Variants in NBAS observed in about 807,000 individuals in gnomAD.
NBAS encodes the protein NBAS subunit of NRZ tethering complex.
Under a neutral mutation model 302.5 loss-of-function variants are expected in NBAS, and 219 were observed. The observed-to-expected ratio is 0.72, with a 90% CI of 0.65 to 0.81. NBAS has a LOEUF of 0.81. Ranked by LOEUF, NBAS falls within the 30% of genes least tolerant of loss-of-function variation. The pLI, the probability that NBAS is intolerant of heterozygous loss-of-function variation, is 0.00. For missense variants in NBAS, 2,932 were observed against 2,841.6 expected (o/e 1.03, Z -0.72); for synonymous variants, 1,118 against 1,021.6 (o/e 1.09, Z -1.80).
chr2:14,877,499 T>C, the NBAS span, among the ~76,000 whole-genome samples: 1 of 152,190 alleles, frequency 6.6e-6, no homozygotes, highest in Non-Finnish European at 1.5e-5. Context: ...AGTGGAGGTA[T>C]ATTCTAAGAC....
intron 11 of NBAS, among the ~76,000 whole-genome samples, chr2:15,492,315 C>T (rs955098080): frequency 3.3e-5 from 5 of 152,196 alleles, no homozygotes; most frequent in Admixed American, 2.6e-4. Context: ...ATCTATTGAA[C>T]GTTCATGCAT....
In NBAS at chr2:15,474,278, G is replaced by A; in HGVS notation, c.1388C>T (p.Ala463Val). Reference protein sequence around the residue: ...APKRSRLETRAGEEDEGEEDS... With the variant: ...APKRSRLETRVGEEDEGEEDS... ...CTCTTCTCCTTCATCTTCTTCTCCA[G>A]CTCTAGTCTCCAAACGAGATCGTTT... The change falls in exon 15 of 52, where the codon GCT (alanine) becomes GTT (valine). Residue 463 changes from alanine (A) to valine (V), a missense_variant. Coordinates refer to ENST00000281513, the MANE Select transcript of NBAS (RefSeq NM_015909.4). 6.2e-7 allele frequency: 1 copy of A among 1,613,768 alleles called. No individual in the cohort carries two copies. The highest frequency in any genetic ancestry group is 8.5e-7 in the Non-Finnish European group (1 of 1,179,772).
the NBAS span, among the ~76,000 whole-genome samples, chr2:15,035,006 T>A: frequency 1.3e-5 from 2 of 152,182 alleles, no homozygotes; most frequent in African/African-American, 4.8e-5. Flanking sequence ...TCCATATCAG[T>A]ATGTATAGAC....
At chr2:15,360,915 G>A (rs1229935535) in intron 32 of NBAS, among the ~76,000 whole-genome samples, 4 of 151,914 alleles carry the variant, frequency 2.6e-5, no homozygotes, top group Non-Finnish European at 5.9e-5. Flanking sequence ...AACAGGAGGC[G>A]CATCTTTGAA....
chr2:14,843,282 A>G, the NBAS span, among the ~76,000 whole-genome samples: 21 of 152,280 alleles, frequency 1.4e-4, no homozygotes, highest in East Asian at 4.1e-3. Context: ...CATTTTCACA[A>G]CTTTTATTCT....
chr2:14,854,185 A>G, the NBAS span, among the ~76,000 whole-genome samples: 2 of 151,964 alleles, frequency 1.3e-5, no homozygotes, highest in East Asian at 1.9e-4. Context: ...CAAATGCAGT[A>G]CTAAGAGGGA....
intron 47 of NBAS, among the ~76,000 whole-genome samples, chr2:15,224,879 G>A (rs76721334): frequency 0.019 from 2,859 of 152,260 alleles, 36 homozygotes; most frequent in Non-Finnish European, 0.029. Context: ...CATATGCAGC[G>A]GGTGGGGCAG....
the NBAS span, among the ~76,000 whole-genome samples, chr2:15,004,463 T>A: frequency 3.3e-5 from 5 of 152,180 alleles, no homozygotes; most frequent in Admixed American, 2.0e-4. Context: ...CAAACTGGCA[T>A]GTGATGATTT....
At chr2:15,185,639 G>C (rs1332890146) in intron 50 of NBAS, among the ~76,000 whole-genome samples, 1 of 152,178 alleles carries the variant, frequency 6.6e-6, no homozygotes, top group Non-Finnish European at 1.5e-5. Context: ...GATACAAGCA[G>C]ACCTTGGTCC....
chr2:15,154,237 C>T, the NBAS span, among the ~76,000 whole-genome samples: 5 of 152,196 alleles, frequency 3.3e-5, no homozygotes, highest in Non-Finnish European at 7.3e-5. Context: ...TGAAATTCCC[C>T]ACCTAATTAA....
chr2:15,386,023 T>C (rs1363409884), intron 28 of NBAS, among the ~76,000 whole-genome samples: 9 of 152,198 alleles, frequency 5.9e-5, no homozygotes, highest in Admixed American at 5.9e-4. Context: ...TAAAGAAATC[T>C]TAAGGCATTT....
chr2:15,309,855 T>C, intron 38 of NBAS, among the ~76,000 whole-genome samples: 1 of 152,192 alleles, frequency 6.6e-6, no homozygotes, highest in East Asian at 1.9e-4. Flanking sequence ...GCCAATGTCA[T>C]AGCTTTAACA....
chr2:15,546,270 T>G (rs1267649552), intron 6 of NBAS, among the ~76,000 whole-genome samples: 1 of 152,216 alleles, frequency 6.6e-6, no homozygotes, highest in Non-Finnish European at 1.5e-5. Flanking sequence ...ATTTTTCTTT[T>G]CTTTTTTCTC....
chr2:15,293,949 C>A (rs1414049662), intron 40 of NBAS, among the ~76,000 whole-genome samples: 5 of 152,198 alleles, frequency 3.3e-5, no homozygotes, highest in African/African-American at 9.7e-5. Context: ...CTGAGTCCTA[C>A]TCTCAAAACC....
At chr2:15,447,049 G>A (rs1251230164) in intron 21 of NBAS, among the ~76,000 whole-genome samples, 1 of 152,018 alleles carries the variant, frequency 6.6e-6, no homozygotes, top group Non-Finnish European at 1.5e-5. Flanking sequence ...ACCAAAAACG[G>A]GACAAGTAGT....
intron 21 of NBAS, among the ~76,000 whole-genome samples, chr2:15,428,955 G>A (rs188634029): frequency 3.3e-5 from 5 of 151,644 alleles, no homozygotes; most frequent in Admixed American, 2.6e-4. Context: ...GGAGAATGGT[G>A]TGAACCCAGG....
chr2:15,098,410 GATATATTGTATATTATATATT>G, the NBAS span, among the ~76,000 whole-genome samples: 3 of 35,734 alleles, frequency 8.4e-5, 1 homozygote, highest in African/African-American at 2.9e-4. Context: ...TATTATATAT[GATATATTGTATATTATATATT>G]ATATATTGTA....
At chr2:15,394,093 C>A in intron 28 of NBAS, 134 bp downstream of exon 28, 1 of 1,032,266 alleles carries the variant, frequency 9.7e-7, no homozygotes, top group Non-Finnish European at 1.4e-6. Flanking sequence ...CAAAACTTAT[C>A]AAATTATACT....
chr2:15,153,730 C>A, the NBAS span, among the ~76,000 whole-genome samples: 1 of 152,228 alleles, frequency 6.6e-6, no homozygotes, highest in African/African-American at 2.4e-5. Context: ...ATCTACTTGA[C>A]TACTTATCAC....
Sources: allele counts gnomAD v4.1 joint callset (sites outside exome capture counted in the v4.1 genomes callset), GRCh38; gene constraint gnomAD v4.1.1; transcripts MANE v1.5; gene names NCBI Gene and HGNC (gene_info 2026-07-23, HGNC 2026-07-21).